EPHA5: variants seen among roughly 807,000 people sequenced by gnomAD.
EPHA5 encodes the protein ephrin type-A receptor 5.
A neutral mutation model predicts 105.0 loss-of-function variants in EPHA5; 60 were observed. The observed-to-expected ratio is 0.57, with a 90% CI of 0.46 to 0.71. EPHA5 has a LOEUF of 0.71. Among genes scored for constraint, EPHA5 ranks in the 30% least tolerant of loss-of-function variants. EPHA5 has a pLI of 0.00. For synonymous variants in EPHA5, 513 were observed against 449.1 expected (o/e 1.14, Z -1.80); for missense variants, 1,218 against 1,274.7 (o/e 0.96, Z 0.68).
chr4:65,613,179 G>A (rs554418713), intron 2 of EPHA5, among the ~76,000 whole-genome samples: 24 of 152,102 alleles, frequency 1.6e-4, no homozygotes, highest in African/African-American at 5.8e-4. Flanking sequence ...AAGATCGGTT[G>A]GCTGTAGGTC....
intron 4 of EPHA5, among the ~76,000 whole-genome samples, chr4:65,494,883 G>A (rs1199734948): frequency 6.6e-6 from 1 of 151,922 alleles, no homozygotes; most frequent in African/African-American, 2.4e-5. Context: ...GCTTTATTGG[G>A]GCAGTTTAGA....
intron 3 of EPHA5, among the ~76,000 whole-genome samples, chr4:65,587,558 A>G (rs1406061798): frequency 6.6e-6 from 1 of 152,110 alleles, no homozygotes; most frequent in Non-Finnish European, 1.5e-5. Flanking sequence ...AACTACATGT[A>G]TGTTGAGCTT....
intron 16 of EPHA5, chr4:65,330,634 A>G (rs1447468286): frequency 1.7e-6 from 1 of 585,618 alleles, no homozygotes; most frequent in African/African-American, 2.0e-5. Flanking sequence ...ATATCATTTT[A>G]ATATAAAATG....
intron 1 of EPHA5, among the ~76,000 whole-genome samples, chr4:65,653,905 T>C (rs1748832552): frequency 6.6e-6 from 1 of 151,948 alleles, no homozygotes; most frequent in Non-Finnish European, 1.5e-5. Context: ...ATCAGAGGGG[T>C]CTTAGCAAAC....
chr4:65,503,827 A>C (rs566494474), intron 3 of EPHA5, among the ~76,000 whole-genome samples: 103 of 151,484 alleles, frequency 6.8e-4, no homozygotes, highest in African/African-American at 2.4e-3. Flanking sequence ...AAACACACTA[A>C]TTGCTTAATG....
intron 5 of EPHA5, among the ~76,000 whole-genome samples, chr4:65,475,950 G>C (rs1729754742): frequency 6.6e-6 from 1 of 152,144 alleles, no homozygotes; most frequent in Admixed American, 6.6e-5. Flanking sequence ...ATTTTGTACA[G>C]AGCATTTGGG....
chr4:65,625,063 A>T (rs1746013597), intron 2 of EPHA5, among the ~76,000 whole-genome samples: 1 of 152,226 alleles, frequency 6.6e-6, no homozygotes, highest in African/African-American at 2.4e-5. Context: ...CTACACAATT[A>T]TTAAATATAG....
At chr4:65,420,590 C>T (rs1200137227) in intron 5 of EPHA5, 25 bp from the exon 6 acceptor site, 2 of 1,607,002 alleles carry the variant, frequency 1.2e-6, no homozygotes, top group Non-Finnish European at 8.5e-7. Context: ...AAATAAGGAG[C>T]AGTATGATTA....
chr4:65,604,538 T>C (rs1336443943), intron 2 of EPHA5, among the ~76,000 whole-genome samples: 1 of 152,176 alleles, frequency 6.6e-6, no homozygotes, highest in Non-Finnish European at 1.5e-5. Flanking sequence ...CCATAAGCCA[T>C]TCAGAGAATC....
intron 3 of EPHA5, among the ~76,000 whole-genome samples, chr4:65,577,261 T>C (rs1454127309): frequency 2.0e-5 from 3 of 152,202 alleles, no homozygotes; most frequent in Non-Finnish European, 4.4e-5. Flanking sequence ...AAAATTTGTA[T>C]GAAAAGCTGT....
At chr4:65,621,921 C>T (rs991065132) in intron 2 of EPHA5, among the ~76,000 whole-genome samples, 3 of 152,032 alleles carry the variant, frequency 2.0e-5, no homozygotes, top group African/African-American at 7.2e-5. Context: ...AGGAAAGCTG[C>T]ATTCGTCATG....
In EPHA5 at chr4:65,569,276, T is replaced by C. The variant is rs756236468; in HGVS notation, c.910+32365A>G. On this transcript the variant is annotated intron_variant, in intron 3 of 16. Coordinates refer to ENST00000613740, the MANE Select transcript of EPHA5 (RefSeq NM_001281766.3). ...AATGTTAACTAAGGGTGAATGGCAT[T>C]TTATCAATTTAAATGGCTATTTTTG... is the stretch of plus-strand genomic sequence containing the variant. Among the ~76,000 whole-genome samples, 103 of 151,630 alleles carry C rather than the reference T, an allele frequency of 6.8e-4. 1 individual carries two copies. The highest frequency in any genetic ancestry group is 1.2e-3 in the Non-Finnish European group (80 of 67,504).
At chr4:65,507,164 G>A (rs564191860) in intron 3 of EPHA5, among the ~76,000 whole-genome samples, 71 of 152,094 alleles carry the variant, frequency 4.7e-4, no homozygotes, top group African/African-American at 1.6e-3. Flanking sequence ...TTTGTCAAAG[G>A]TCAGATAGTT....
rs890958862 is a variant in EPHA5 at position 65,321,887 on chromosome 4, G to A, written c.*2227C>T. The A allele has an allele frequency of 1.5e-4, 33 of 225,024 alleles. No homozygotes were observed. The highest frequency in any genetic ancestry group is 5.6e-4 in the African/African-American group (25 of 44,878). The allele number at this position is 225,024 out of a possible 1,614,324, so 13.9% of individuals were successfully genotyped here. A position where few individuals can be genotyped will look rare whatever the true frequency, so the allele number is the denominator to read the frequency against. On this transcript the variant is annotated 3_prime_UTR_variant, in exon 17 of 17. Coordinates refer to ENST00000613740, the MANE Select transcript of EPHA5 (RefSeq NM_001281766.3). ...GTAATTTTCCTTTTGAATCAATAAGGCTTTCATTCTGAAGTTTCTCAGTTG... is the reference window on the plus strand; with the variant it reads ...GTAATTTTCCTTTTGAATCAATAAGACTTTCATTCTGAAGTTTCTCAGTTG...
At chr4:65,408,564 A>T (rs1411534892) in intron 7 of EPHA5, among the ~76,000 whole-genome samples, 1 of 52,614 alleles carries the variant, frequency 1.9e-5, no homozygotes, top group Non-Finnish European at 5.0e-5. Flanking sequence ...GAAGACTTTT[A>T]TGCAGCCAAA....
chr4:65,480,003 G>A (rs1198636762), intron 5 of EPHA5, among the ~76,000 whole-genome samples: 1 of 152,034 alleles, frequency 6.6e-6, no homozygotes, highest in Non-Finnish European at 1.5e-5. Flanking sequence ...TTTGGTTCAA[G>A]ATGGAAATGT....
Position 65,515,588 on chromosome 4 carries a change from A to G in EPHA5, c.911-20045T>C, listed in dbSNP as rs901618743. Among the ~76,000 whole-genome samples, 10 of 152,242 alleles carry G rather than the reference A, an allele frequency of 6.6e-5. No individual in the cohort carries two copies. In the East Asian group the frequency reaches 9.7e-4, roughly 15 times the overall value. ...CCTAAGTATTTTATGGTTTTTTGTGAAAATTTATAGGATTTTTAAAAATTT... is the reference window on the plus strand; with the variant it reads ...CCTAAGTATTTTATGGTTTTTTGTGGAAATTTATAGGATTTTTAAAAATTT... On this transcript the variant is annotated intron_variant, in intron 3 of 16. Transcript: ENST00000613740.
At chr4:65,331,120 A>C (rs11943262) in intron 16 of EPHA5, 1 of 1,035,866 alleles carries the variant, frequency 9.7e-7, no homozygotes, top group East Asian at 5.7e-5. Flanking sequence ...CATTTTCTAA[A>C]CCTTACAATA....
Position 65,602,183 on chromosome 4 carries a change from G to A in EPHA5, c.368C>T (p.Ala123Val), listed in dbSNP as rs762375181. Reference protein sequence around the residue: ...LLTSWISNEGASRIFIELKFT... With the variant: ...LLTSWISNEGVSRIFIELKFT... ...TTTGAGTTCTATGAAGATTCTGGAA[G>A]CACCTTCATTGGAGATCCAACTGGT... is the stretch of plus-strand genomic sequence containing the variant. The change falls in exon 3 of 17, where the codon GCT (alanine) becomes GTT (valine). Residue 123 changes from alanine (A) to valine (V), a missense_variant. Physicochemically the swap from Ala to Val is moderately conservative, Grantham distance 64. Transcript: ENST00000613740. The A allele has an allele frequency of 7.4e-6, 12 of 1,613,840 alleles. No individual in the cohort carries two copies. The highest frequency in any genetic ancestry group is 1.0e-5 in the Non-Finnish European group (12 of 1,180,020).
Sources: gnomAD v4.1 joint callset for allele counts (sites outside exome capture counted in the v4.1 genomes callset) on GRCh38, gnomAD v4.1.1 for gene constraint, MANE v1.5 for transcripts, NCBI Gene and HGNC (gene_info 2026-07-23, HGNC 2026-07-21) for gene names.